The following CCDC171 variants were observed in gnomAD, a reference collection of about 807,000 sequenced individuals.
CCDC171 encodes coiled-coil domain-containing protein 171.
Under a neutral mutation model 168.2 loss-of-function variants are expected in CCDC171, and 177 were observed. The observed-to-expected ratio is 1.05, with a 90% CI of 0.93 to 1.19. CCDC171 has a LOEUF of 1.19. Ranked by LOEUF, CCDC171 falls within the 50% of genes most tolerant of loss-of-function variation. The pLI is 0.00. For missense variants in CCDC171, 1,991 were observed against 1,539.0 expected, an observed-to-expected ratio of 1.29 and a Z score of -4.91; for synonymous variants, 687 against 540.8, an observed-to-expected ratio of 1.27 and a Z score of -3.75.
intron 25 of CCDC171, among the ~76,000 whole-genome samples, chr9:15,921,182 C>T (rs559506924): frequency 6.6e-6 from 1 of 151,738 alleles, no homozygotes; most frequent in Non-Finnish European, 1.5e-5. Flanking sequence ...TTTTGCTATT[C>T]CGCTGTTGAC....
At chr9:15,808,837 G>A (rs2059194027) in intron 21 of CCDC171, among the ~76,000 whole-genome samples, 1 of 147,214 alleles carries the variant, frequency 6.8e-6, no homozygotes, top group African/African-American at 2.5e-5. Flanking sequence ...ACAATAAACT[G>A]GATAGCTTAT....
intron 18 of CCDC171, among the ~76,000 whole-genome samples, chr9:15,764,088 T>C (rs1205407488): frequency 6.6e-6 from 1 of 152,106 alleles, no homozygotes; most frequent in Non-Finnish European, 1.5e-5. Context: ...TTGATATTTT[T>C]AGGAATGGCA....
At chr9:15,945,244 G>A (rs1406241571) in intron 25 of CCDC171, among the ~76,000 whole-genome samples, 2 of 149,770 alleles carry the variant, frequency 1.3e-5, no homozygotes, top group Non-Finnish European at 3.0e-5. Context: ...ATTCCATGGT[G>A]TATATGTGCC....
intron 21 of CCDC171, among the ~76,000 whole-genome samples, chr9:15,843,302 T>C (rs1251043548): frequency 6.6e-6 from 1 of 152,148 alleles, no homozygotes; most frequent in African/African-American, 2.4e-5. Flanking sequence ...CTGGAAATCT[T>C]TGATAAATAA....
chr9:15,748,899 C>T (rs1431593632), intron 18 of CCDC171, among the ~76,000 whole-genome samples: 3 of 152,164 alleles, frequency 2.0e-5, no homozygotes, highest in Non-Finnish European at 2.9e-5. Context: ...TATGAAGAAA[C>T]TGCATCAAGT....
the CCDC171 span, among the ~76,000 whole-genome samples, chr9:16,067,394 G>T: frequency 1.1e-4 from 17 of 152,092 alleles, no homozygotes; most frequent in African/African-American, 2.7e-4. Flanking sequence ...CGCGAAAATT[G>T]TCTCCCATTT....
At chr9:16,108,865 T>A in the CCDC171 span, among the ~76,000 whole-genome samples, 1 of 152,186 alleles carries the variant, frequency 6.6e-6, no homozygotes, top group African/African-American at 2.4e-5. Flanking sequence ...TTGTACATCC[T>A]GCAGAAACGT....
intron 21 of CCDC171, among the ~76,000 whole-genome samples, chr9:15,796,936 A>G (rs1267047801): frequency 6.6e-6 from 1 of 152,232 alleles, no homozygotes; most frequent in East Asian, 1.9e-4. Flanking sequence ...TAGGTTGTAT[A>G]GTAAGTGTGA....
chr9:15,777,533 T>G, intron 18 of CCDC171, 67 bp from the exon 19 acceptor site: 1 of 836,294 alleles, frequency 1.2e-6, no homozygotes, highest in Non-Finnish European at 1.9e-6. Flanking sequence ...ATTATGTGAT[T>G]AGCAGTGTTG....
chr9:16,092,866 C>T, the CCDC171 span, among the ~76,000 whole-genome samples: 16 of 152,178 alleles, frequency 1.1e-4, no homozygotes, highest in Non-Finnish European at 2.1e-4. Flanking sequence ...TGGCTGAAGC[C>T]TCAGGCCAGC....
chr9:15,863,530 C>T (rs2131021751), intron 23 of CCDC171, among the ~76,000 whole-genome samples: 1 of 152,062 alleles, frequency 6.6e-6, no homozygotes, highest in East Asian at 1.9e-4. Context: ...CCCACCCCAC[C>T]ACCAAATTTT....
intron 24 of CCDC171, among the ~76,000 whole-genome samples, chr9:15,901,915 G>T (rs981470297): frequency 3.9e-5 from 6 of 152,092 alleles, no homozygotes; most frequent in African/African-American, 1.4e-4. Flanking sequence ...TGAGATGAGA[G>T]ACTTTAAAAT....
chr9:15,900,490 CT>C lies in CCDC171; in HGVS notation c.3601-19778del, dbSNP rs1212142930. 5.4e-5 allele frequency among the ~76,000 whole-genome samples: 8 copies of C among 147,246 alleles called. No homozygotes were observed. In the Admixed American group the frequency reaches 5.6e-4, roughly 10 times the overall value. ...GTGAGATCACAGCTCCAGATGATAC[CT>C]TGATTTCAGCCTGCTGAGACACCCG... is the stretch of plus-strand genomic sequence containing the variant. On this transcript the variant is annotated intron_variant, in intron 24 of 25. Transcript: ENST00000380701.
Position 15,980,541 on chromosome 9 carries a change from C to G in CCDC171, n.369-40048C>G, listed in dbSNP as rs1469912828. On this transcript the variant is annotated intron_variant and non_coding_transcript_variant, in intron 3 of 9. Coordinates refer to the CCDC171 transcript ENST00000486641. Reference sequence around the variant, plus strand: ...GCCCATGCTTTATAATTAGGGTTTTCTCTCAGTGGAGACCTACTTTAATTG... The same window carrying G: ...GCCCATGCTTTATAATTAGGGTTTTGTCTCAGTGGAGACCTACTTTAATTG... Among the ~76,000 whole-genome samples, 7 of 152,196 alleles carry G rather than the reference C, an allele frequency of 4.6e-5. No homozygotes were observed. The East Asian group carries it at 1.4e-3, about 29-fold the overall frequency.
At chr9:15,883,590 T>G (rs1242674717) in intron 24 of CCDC171, among the ~76,000 whole-genome samples, 1 of 152,226 alleles carries the variant, frequency 6.6e-6, no homozygotes, top group East Asian at 1.9e-4. Context: ...GTTGAGATTT[T>G]TATCTCTCTT....
chr9:15,607,500 C>G (rs2043314404), intron 6 of CCDC171, among the ~76,000 whole-genome samples: 1 of 151,922 alleles, frequency 6.6e-6, no homozygotes. Context: ...CTCACTCTGT[C>G]ACCCAGGCTG....
chr9:15,893,724 A>G (rs1820515785), intron 24 of CCDC171, among the ~76,000 whole-genome samples: 1 of 152,170 alleles, frequency 6.6e-6, no homozygotes, highest in African/African-American at 2.4e-5. Context: ...CTAAAACCAC[A>G]ATGAGATGCC....
chr9:15,561,913 G>C (rs2039333013), intron 1 of CCDC171, among the ~76,000 whole-genome samples: 1 of 151,986 alleles, frequency 6.6e-6, no homozygotes, highest in South Asian at 2.1e-4. Flanking sequence ...TGTTACTCAA[G>C]ATTTTTTCAC....
chr9:16,063,526 G>A, downstream of CCDC171, among the ~76,000 whole-genome samples: 1 of 152,212 alleles, frequency 6.6e-6, no homozygotes, highest in Non-Finnish European at 1.5e-5. Flanking sequence ...GGGGGTTTTA[G>A]TATATTTCAT....
Sources: allele counts gnomAD v4.1 joint callset (sites outside exome capture counted in the v4.1 genomes callset), GRCh38; gene constraint gnomAD v4.1.1; transcripts MANE v1.5; gene names NCBI Gene and HGNC (gene_info 2026-07-23, HGNC 2026-07-21).